The following ABCA3 variants were observed in gnomAD, a reference collection of about 807,000 sequenced individuals.
ABCA3 encodes ATP binding cassette subfamily A member 3.
Under a neutral mutation model 172.8 loss-of-function variants are expected in ABCA3, and 88 were observed. The observed-to-expected ratio is 0.51, with a 90% CI of 0.43 to 0.61. The LOEUF is 0.61. Ranked by LOEUF, ABCA3 falls within the 20% of genes least tolerant of loss-of-function variation. The pLI is 0.00. For missense variants in ABCA3, 2,164 were observed against 2,301.0 expected (o/e 0.94, Z 1.22); for synonymous variants, 1,066 against 983.8 (o/e 1.08, Z -1.56).
rs543437171 is a variant in ABCA3, at chr16:2,302,770, C to T, written c.1467+1199G>A. ...AAAGTGCTGGGATTACAGGGATGAG[C>T]GACTATGTCCACCCCGATCCCATTT... On this transcript the variant is annotated intron_variant, in intron 12 of 32. Coordinates refer to ENST00000301732, the MANE Select transcript of ABCA3 (RefSeq NM_001089.3). Among the ~76,000 whole-genome samples, 281 of 151,644 alleles carry T rather than the reference C, an allele frequency of 1.9e-3. 1 individual carries two copies. The highest frequency in any genetic ancestry group is 6.7e-3 in the African/African-American group (276 of 41,320).
chr16:2,293,006 T>G (rs570529422), intron 18 of ABCA3, among the ~76,000 whole-genome samples: 1 of 152,104 alleles, frequency 6.6e-6, no homozygotes, highest in Admixed American at 6.5e-5. Flanking sequence ...AATCCCCCTA[T>G]AGAATGGGGC....
chr16:2,312,842 T>TC (rs2093708730), intron 10 of ABCA3, among the ~76,000 whole-genome samples: 1 of 150,110 alleles, frequency 6.7e-6, no homozygotes, highest in Admixed American at 6.7e-5. Flanking sequence ...GAAATTGCAT[T>TC]TTTTTTTTTT....
rs898221884 is a variant in ABCA3, at chr16:2,277,985, G to A, written c.4803C>T (p.Leu1601=). ...AGTAGCCGCTGCCGAACTTGCTCTT[G>A]AGGTGCTGGGGGCTGCCCAGGCACT... The part of the protein sequence containing the change: ...QFKCLGSPQH[L]KSKFGSGYSL... Residue 1601 remains leucine (L), a synonymous_variant, in exon 31 of 33, where the codon CTC becomes CTT. Transcript: ENST00000301732. The surrounding 1 kb of genome is among the most constrained non-coding windows in gnomAD (Gnocchi z 5.3). 6 of 1,613,132 alleles carry A rather than the reference G, an allele frequency of 3.7e-6. No individual in the cohort carries two copies. Among genetic ancestry groups the A allele is most frequent in the Non-Finnish European group, 5.1e-6 (6 of 1,180,020 alleles).
At chr16:2,319,537 C>G in intron 8 of ABCA3, 44 bp downstream of exon 8, 1 of 1,601,784 alleles carries the variant, frequency 6.2e-7, no homozygotes, top group Non-Finnish European at 8.5e-7. Flanking sequence ...CTCCCCAGGA[C>G]AGCGCGGTTT....
At position 2,281,807 on chromosome 16, in the gene ABCA3, T is replaced by A. The variant is rs756435674; in HGVS notation, c.4036-298A>T. The stretch of plus-strand genomic sequence containing the variant: ...AATATAAAATAAGATTTTTAGACAA[T>A]TTTTTTTTTTTTTTTGAGACAGAGT... On this transcript the variant is annotated intron_variant, in intron 26 of 32. Coordinates refer to ENST00000301732, the MANE Select transcript of ABCA3 (RefSeq NM_001089.3). The surrounding 1 kb of genome is among the most constrained non-coding windows in gnomAD (Gnocchi z 4.7). 3.5e-5 allele frequency among the ~76,000 whole-genome samples: 5 copies of A among 141,382 alleles called. No individual in the cohort carries two copies. Among genetic ancestry groups the A allele is most frequent in the Non-Finnish European group, 7.8e-5 (5 of 64,202 alleles). The allele number at this position is 141,382 out of a possible 152,430, so 92.8% of individuals were successfully genotyped here.
chr16:2,326,713 T>C (rs1293332800), intron 3 of ABCA3, among the ~76,000 whole-genome samples: 1 of 152,018 alleles, frequency 6.6e-6, no homozygotes, highest in Non-Finnish European at 1.5e-5. Flanking sequence ...TTTGGCCAGG[T>C]GCAGTGGCTC....
chr16:2,293,907 CCTT>C (rs1423048344), intron 18 of ABCA3, among the ~76,000 whole-genome samples: 1 of 151,988 alleles, frequency 6.6e-6, no homozygotes, highest in Non-Finnish European at 1.5e-5. Context: ...ATCTCCTTCT[CCTT>C]CTGCCTTGGC....
chr16:2,277,626 G>A lies in ABCA3; in HGVS notation c.4954C>T (p.Leu1652=), dbSNP rs765917929. The A allele has an allele frequency of 3.7e-6, 6 of 1,613,194 alleles. No homozygotes were observed. The South Asian group carries it at 6.6e-5, about 18-fold the overall frequency. The change falls in exon 32 of 33, where the codon CTG becomes TTG. Residue 1652 remains leucine, a synonymous_variant. Coordinates refer to ENST00000301732, the MANE Select transcript of ABCA3 (RefSeq NM_001089.3). The surrounding 1 kb of genome is among the most constrained non-coding windows in gnomAD (Gnocchi z 5.3). ...DEHQGMVHYH[L]PGRDLSWAKV... ...GCCCAGCTGAGGTCACGGCCCGGCA[G>A]GTGGTAATGGACCATGCCTTGGTGC... is the stretch of plus-strand genomic sequence containing the variant.
At chr16:2,338,751 CTTT>C (rs34719364) in intron 1 of ABCA3, among the ~76,000 whole-genome samples, 11 of 121,588 alleles carry the variant, frequency 9.0e-5, no homozygotes, top group African/African-American at 2.1e-4. Context: ...TCCAATTCAT[CTTT>C]TTTTTTTTTT....
Position 2,284,156 on chromosome 16 carries a change from G to C in ABCA3, c.3862+123C>G. On this transcript the variant is annotated intron_variant, in intron 25 of 32. Coordinates refer to ENST00000301732, the MANE Select transcript of ABCA3 (RefSeq NM_001089.3). The surrounding 1 kb of genome is among the most constrained non-coding windows in gnomAD (Gnocchi z 5.9). ...GTGGGAGGTGGGGCAAGGCGGTACA[G>C]AGGAACGCACCAGCCCCAGGCCACT... 1 of 1,270,776 alleles carries C rather than the reference G, an allele frequency of 7.9e-7. No individual in the cohort carries two copies. The highest frequency in any genetic ancestry group is 2.4e-5 in the Admixed American group (1 of 42,310). 78.7% of individuals were successfully genotyped at this position (1,270,776 alleles called of 1,614,324 possible). A position where few individuals can be genotyped will look rare whatever the true frequency, so the allele number is the denominator to read the frequency against.
At position 2,277,456 on chromosome 16, in the gene ABCA3, C is replaced by G. The variant is rs759710189; in HGVS notation, c.4983+141G>C. On this transcript the variant is annotated intron_variant, in intron 32 of 32. Coordinates refer to ENST00000301732, the MANE Select transcript of ABCA3 (RefSeq NM_001089.3). This position sits in a 1 kb window ranked among gnomAD's most constrained non-coding sequence, Gnocchi z 5.3. ...TGGATATAAAACCCCCAAACCAGCA[C>G]GTATCAGGCTGAGTGTTAGGGGAGA... 1 of 859,894 alleles carries G rather than the reference C, an allele frequency of 1.2e-6. No homozygotes were observed. The highest frequency in any genetic ancestry group is 1.5e-5 in the South Asian group (1 of 67,894). The allele number at this position is 859,894 out of a possible 1,614,324, so 53.3% of individuals were successfully genotyped here.
intron 10 of ABCA3, 30 bp from the exon 11 acceptor site, chr16:2,308,653 G>A (rs765251079): frequency 2.5e-6 from 4 of 1,612,438 alleles, no homozygotes; most frequent in African/African-American, 1.3e-5. Context: ...CGGGGGGCGT[G>A]AGCGTCAGTG....
chr16:2,338,724 C>A (rs1001439095), intron 1 of ABCA3, among the ~76,000 whole-genome samples: 1 of 151,212 alleles, frequency 6.6e-6, no homozygotes, highest in African/African-American at 2.4e-5. Context: ...AAGACCCCTC[C>A]AAGAGCAGGG....
chr16:2,277,283 G>C lies in ABCA3; in HGVS notation c.4983+314C>G, dbSNP rs1180234367. 6.6e-6 allele frequency among the ~76,000 whole-genome samples: 1 copy of C among 152,048 alleles called. No individual in the cohort carries two copies. The highest frequency in any genetic ancestry group is 2.4e-5 in the African/African-American group (1 of 41,398). Reference sequence around the variant, plus strand: ...AATTTTTAAATTTTTTGTAGAGACGGGGTCTATGTTGCCCAGGCTGGTCTA... The same window carrying C: ...AATTTTTAAATTTTTTGTAGAGACGCGGTCTATGTTGCCCAGGCTGGTCTA... On this transcript the variant is annotated intron_variant, in intron 32 of 32. Coordinates refer to ENST00000301732, the MANE Select transcript of ABCA3 (RefSeq NM_001089.3). This position sits in a 1 kb window ranked among gnomAD's most constrained non-coding sequence, Gnocchi z 5.3.
chr16:2,281,418 A>T lies in ABCA3; in HGVS notation c.4127T>A (p.Leu1376Gln), dbSNP rs370692178. ...CTTGATAATCAGAGGTGTGTGGAGC[A>T]GGGAGTCCGGACTGGGGGCCAGGAT... ...TRILAPSPDSLLHTPLIIKEL... is the reference protein window; with the variant it reads ...TRILAPSPDSQLHTPLIIKEL... The change falls in exon 27 of 33, where the codon CTG becomes CAG. Residue 1376 changes from leucine to glutamine, a missense_variant. By Grantham distance (113) the Leu-to-Gln change is moderately radical. Coordinates refer to ENST00000301732, the MANE Select transcript of ABCA3 (RefSeq NM_001089.3). This position sits in a 1 kb window ranked among gnomAD's most constrained non-coding sequence, Gnocchi z 4.7. 9 of 1,613,604 alleles carry T rather than the reference A, an allele frequency of 5.6e-6. No individual in the cohort carries two copies. The highest frequency in any genetic ancestry group is 1.6e-4 in the Middle Eastern group (1 of 6,084).
intron 10 of ABCA3, among the ~76,000 whole-genome samples, chr16:2,315,225 C>G (rs941234552): frequency 6.6e-6 from 1 of 151,464 alleles, no homozygotes; most frequent in African/African-American, 2.4e-5. Flanking sequence ...CACACACACA[C>G]ACACACACAC....
intron 12 of ABCA3, 142 bp from the exon 13 acceptor site, chr16:2,300,290 G>A (rs2093686930): frequency 1.7e-6 from 2 of 1,171,062 alleles, no homozygotes; most frequent in Non-Finnish European, 1.2e-6. Flanking sequence ...GCTACTCAGG[G>A]AGAGCCCCAG....
intron 10 of ABCA3, among the ~76,000 whole-genome samples, chr16:2,310,202 A>G (rs77692724): frequency 6.6e-6 from 1 of 152,024 alleles, no homozygotes; most frequent in African/African-American, 2.4e-5. Flanking sequence ...TCAAGAGATC[A>G]AGACCATCAT....
In ABCA3 at chr16:2,308,527, T is replaced by C. The variant is rs1170108058; in HGVS notation, c.1208A>G (p.Gln403Arg). ...AGACAGGAGGCAGGAGCAGAGCTTCTGGCTCAGAGTCATCCAGTTGTACCG... is the reference window on the plus strand; with the variant it reads ...AGACAGGAGGCAGGAGCAGAGCTTCCGGCTCAGAGTCATCCAGTTGTACCG... Reference protein sequence around the residue: ...APRYNWMTLSQKLCSCLLSNV... With the variant: ...APRYNWMTLSRKLCSCLLSNV... Residue 403 changes from glutamine to arginine, a missense_variant, in exon 11 of 33, where the codon CAG becomes CGG. Gln to Arg is a conservative substitution (Grantham distance 43, BLOSUM62 1). Around this residue, in one of 3 missense-constraint regions of ABCA3, gnomAD observed 1,343 missense variants for 1,369.6 expected, o/e 0.98. Coordinates refer to ENST00000301732, the MANE Select transcript of ABCA3 (RefSeq NM_001089.3). The C allele has an allele frequency of 1.2e-5, 20 of 1,614,098 alleles. No homozygotes were observed. The highest frequency in any genetic ancestry group is 1.6e-5 in the Non-Finnish European group (19 of 1,180,028).
Sources: gnomAD v4.1 joint callset for allele counts (sites outside exome capture counted in the v4.1 genomes callset) on GRCh38, gnomAD v4.1.1 for gene constraint, gnomAD v4.1.1 regional missense constraint, Gnocchi (gnomAD v3.1) non-coding constraint, MANE v1.5 for transcripts, NCBI Gene and HGNC (gene_info 2026-07-23, HGNC 2026-07-21) for gene names.